ASB5: variants seen among roughly 807,000 people sequenced by gnomAD.
ASB5 encodes the protein ankyrin repeat and SOCS box containing 5, also known as ankyrin repeat and SOCS box protein 5.
A neutral mutation model predicts 42.1 loss-of-function variants in ASB5; 45 were observed. The ratio of observed to expected loss-of-function variants is 1.07; its 90% CI spans 0.84 to 1.37. The LOEUF is 1.37. Among genes scored for constraint, ASB5 ranks in the 40% most tolerant of loss-of-function variants. The probability of loss-of-function intolerance (pLI) is 0.00; values close to 1 mark genes in which losing one functional copy is unlikely to be tolerated. For missense variants in ASB5, 402 were observed against 399.8 expected, an observed-to-expected ratio of 1.01 and a Z score of -0.05; for synonymous variants, 147 against 150.6, an observed-to-expected ratio of 0.98 and a Z score of 0.18.
chr4:176,267,933 GAT>G (rs1553964096), intron 1 of ASB5, among the ~76,000 whole-genome samples: 1 of 152,068 alleles, frequency 6.6e-6, no homozygotes, highest in Non-Finnish European at 1.5e-5. Flanking sequence ...TAGGAACATG[GAT>G]TTTAAGAAGG....
chr4:176,228,667 G>A (rs1753443781), intron 1 of ASB5, among the ~76,000 whole-genome samples: 1 of 152,086 alleles, frequency 6.6e-6, no homozygotes, highest in African/African-American at 2.4e-5. Context: ...TATATTCAAG[G>A]CAGAATTGCA....
At chr4:176,264,490 A>G (rs140194103) in intron 1 of ASB5, among the ~76,000 whole-genome samples, 62 of 152,338 alleles carry the variant, frequency 4.1e-4, no homozygotes, top group Middle Eastern at 3.4e-3. Context: ...CCAAGTCACA[A>G]TCAGAAGCCT....
chr4:176,229,628 T>G (rs1753472131), intron 1 of ASB5, among the ~76,000 whole-genome samples: 1 of 151,590 alleles, frequency 6.6e-6, no homozygotes, highest in Non-Finnish European at 1.5e-5. Flanking sequence ...CTGTCCCCAC[T>G]GCCATTTTCT....
rs557924313 is a variant in ASB5 at position 176,245,683 on chromosome 4, G to A, written c.197-20342C>T. On this transcript the variant is annotated intron_variant, in intron 1 of 6. Coordinates refer to ENST00000296525, the MANE Select transcript of ASB5 (RefSeq NM_080874.4). ...CAATGACAGACTGGATTAAGAAAATGTGGCACATATACACCATGGAATACT... is the reference window on the plus strand; with the variant it reads ...CAATGACAGACTGGATTAAGAAAATATGGCACATATACACCATGGAATACT... 8.0e-3 allele frequency among the ~76,000 whole-genome samples: 1,221 copies of A among 152,262 alleles called. 12 individuals carry two copies. The highest frequency in any genetic ancestry group is 0.028 in the African/African-American group (1,147 of 41,544).
At chr4:176,233,613 T>C (rs1017506924) in intron 1 of ASB5, among the ~76,000 whole-genome samples, 3 of 152,194 alleles carry the variant, frequency 2.0e-5, no homozygotes, top group South Asian at 2.1e-4. Flanking sequence ...TTCGTGTGCT[T>C]CTTTGAAAGG....
At chr4:176,236,286 C>A (rs1469751690) in intron 1 of ASB5, among the ~76,000 whole-genome samples, 1 of 151,790 alleles carries the variant, frequency 6.6e-6, no homozygotes, top group Non-Finnish European at 1.5e-5. Flanking sequence ...GTCTTTATTT[C>A]TTTAATAATT....
At chr4:176,224,220 G>GTTTTT (rs1367787166) in intron 2 of ASB5, among the ~76,000 whole-genome samples, 5 of 77,046 alleles carry the variant, frequency 6.5e-5, no homozygotes, top group Non-Finnish European at 1.0e-4. Flanking sequence ...ATGTGCATTT[G>GTTTTT]ATTTTTTTTT....
chr4:176,268,164 A>G (rs1311329234), intron 1 of ASB5, among the ~76,000 whole-genome samples: 4 of 152,146 alleles, frequency 2.6e-5, no homozygotes, highest in African/African-American at 7.2e-5. Context: ...TATTTTTTAG[A>G]GTACCGACCC....
chr4:176,270,819 C>T (rs922776451), upstream of ASB5, among the ~76,000 whole-genome samples: 6 of 152,168 alleles, frequency 3.9e-5, no homozygotes, highest in African/African-American at 1.4e-4. Flanking sequence ...TGACTCCACA[C>T]TAGAGAGGTA....
chr4:176,267,596 G>C (rs1754381928), intron 1 of ASB5, among the ~76,000 whole-genome samples: 1 of 152,044 alleles, frequency 6.6e-6, no homozygotes, highest in Admixed American at 6.6e-5. Flanking sequence ...ACTCCAGCCT[G>C]GGTGATAATG....
intron 5 of ASB5, among the ~76,000 whole-genome samples, chr4:176,220,782 T>C (rs7690762): frequency 0.38 from 57,820 of 152,018 alleles, 11,288 homozygotes; most frequent in Non-Finnish European, 0.43. Context: ...AAAATTTCTT[T>C]TGATGGATTT....
intron 1 of ASB5, among the ~76,000 whole-genome samples, chr4:176,268,624 G>A (rs1470671341): frequency 2.0e-5 from 3 of 151,740 alleles, no homozygotes; most frequent in African/African-American, 7.3e-5. Context: ...TTTTTAAAAT[G>A]TTTCTTAATA....
intron 1 of ASB5, chr4:176,241,647 C>A: frequency 7.3e-7 from 1 of 1,376,274 alleles, no homozygotes; most frequent in South Asian, 1.9e-5. Flanking sequence ...AACATGAGTA[C>A]CTAAATCTGT....
At chr4:176,229,711 G>T (rs1210894356) in intron 1 of ASB5, among the ~76,000 whole-genome samples, 1 of 152,000 alleles carries the variant, frequency 6.6e-6, no homozygotes, top group Non-Finnish European at 1.5e-5. Context: ...TTACGTATGT[G>T]CACTTGCTAT....
chr4:176,251,089 G>C (rs1419819145), intron 1 of ASB5, among the ~76,000 whole-genome samples: 1 of 151,884 alleles, frequency 6.6e-6, no homozygotes, highest in East Asian at 1.9e-4. Context: ...CCATGGACAA[G>C]GACTTCATGT....
intron 1 of ASB5, among the ~76,000 whole-genome samples, chr4:176,237,840 A>G (rs190341692): frequency 1.2e-4 from 19 of 152,364 alleles, no homozygotes; most frequent in East Asian, 5.8e-4. Context: ...GTTGATAATG[A>G]CTGCAGACAG....
chr4:176,218,427 G>T (rs1753048861), intron 5 of ASB5, among the ~76,000 whole-genome samples: 1 of 119,618 alleles, frequency 8.4e-6, no homozygotes, highest in African/African-American at 3.5e-5. Flanking sequence ...ATATATATTT[G>T]TATGATATAT....
At position 176,274,909 on chromosome 4, in the gene ASB5, A is replaced by ATTT. The variant is rs35690692; in HGVS notation, c.-90+884_-90+886dup. Among the ~76,000 whole-genome samples the ATTT allele has an allele frequency of 3.3e-3, 346 of 106,300 alleles. 2 individuals are homozygous for ATTT. Among genetic ancestry groups the ATTT allele is most frequent in the Non-Finnish European group, 3.9e-3 (209 of 53,720 alleles). 69.7% of individuals were successfully genotyped at this position (106,300 alleles called of 152,430 possible). On this transcript the variant is annotated intron_variant, in intron 2 of 2. Transcript: ENST00000505299. ...TCTTTCCAGTACTTCCAGCATAGCA[A>ATTT]TTTTTTTTTTTTTTTTTTTTTTTGA...
chr4:176,272,722 G>A (rs919934198), upstream of ASB5, among the ~76,000 whole-genome samples: 11 of 152,104 alleles, frequency 7.2e-5, no homozygotes, highest in African/African-American at 2.7e-4. Context: ...ATATGAAAAT[G>A]ACTTTCAAAT....
Sources: gnomAD v4.1 joint callset for allele counts (sites outside exome capture counted in the v4.1 genomes callset) on GRCh38, gnomAD v4.1.1 for gene constraint, MANE v1.5 for transcripts, NCBI Gene and HGNC (gene_info 2026-07-23, HGNC 2026-07-21) for gene names.